Variants in AKAP12 observed in about 807,000 individuals in gnomAD.
AKAP12 encodes A-kinase anchor protein 12.
In AKAP12, 32 loss-of-function variants were observed where a neutral mutation model predicts 79.9. That is an observed-to-expected ratio of 0.40 (90% CI 0.30 to 0.54). AKAP12 has a LOEUF of 0.54. Among genes scored for constraint, AKAP12 ranks in the 20% least tolerant of loss-of-function variants. The pLI is 0.48. For synonymous variants in AKAP12, 808 were observed against 857.0 expected (o/e 0.94, Z 1.00); for missense variants, 2,074 against 2,177.0 (o/e 0.95, Z 0.94).
chr6:151,260,433 A>G (rs1797403861), intron 2 of AKAP12, among the ~76,000 whole-genome samples: 1 of 152,112 alleles, frequency 6.6e-6, no homozygotes, highest in African/African-American at 2.4e-5. Flanking sequence ...CGAATAGGAG[A>G]TGTCTCTCAT....
chr6:151,279,736 G>C (rs954542513), intron 2 of AKAP12, among the ~76,000 whole-genome samples: 1 of 151,868 alleles, frequency 6.6e-6, no homozygotes, highest in African/African-American at 2.4e-5. Context: ...CCTAGCTACT[G>C]GGGGGAGGCT....
chr6:151,289,293 A>T (rs958180157), intron 2 of AKAP12, among the ~76,000 whole-genome samples: 1 of 152,214 alleles, frequency 6.6e-6, no homozygotes, highest in East Asian at 1.9e-4. Flanking sequence ...AGAGATGGTT[A>T]TGCAGCTTCA....
In AKAP12 at chr6:151,349,918, G is replaced by T; in HGVS notation, c.1527G>T (p.Met509Ile). 6.2e-7 allele frequency: 1 copy of T among 1,614,158 alleles called. No individual in the cohort carries two copies. The highest frequency in any genetic ancestry group is 1.3e-5 in the African/African-American group (1 of 75,034). The change falls in exon 4 of 5, where the codon ATG (methionine) becomes ATT (isoleucine). Residue 509 changes from methionine to isoleucine, a missense_variant. Physicochemically the swap from Met to Ile is conservative, Grantham distance 10. This residue lies in a region of AKAP12 where 1,428 missense variants were observed against 1,451.0 expected (regional missense o/e 0.98). Coordinates refer to ENST00000402676, the MANE Select transcript of AKAP12 (RefSeq NM_005100.4). The part of the protein sequence containing the change: ...EVEMLSSQER[M>I]KVQGSPLKKL... ...AAATGCTGTCATCACAGGAGAGAAT[G>T]AAGGTGCAGGGAAGTCCACTAAAGA...
At chr6:151,272,348 AAAAAAAAAAAAC>A (rs1267905684) in intron 2 of AKAP12, among the ~76,000 whole-genome samples, 1 of 150,732 alleles carries the variant, frequency 6.6e-6, no homozygotes, top group Non-Finnish European at 1.5e-5. Context: ...CTGTTTCAAA[AAAAAAAAAAAAC>A]AAAAAAAACA....
intron 3 of AKAP12, chr6:151,341,819 C>T (rs1777958802): frequency 3.1e-6 from 4 of 1,284,134 alleles, no homozygotes; most frequent in Admixed American, 2.3e-5. Flanking sequence ...CCTTCCTTCC[C>T]GTCCCAGGCT....
intron 2 of AKAP12, among the ~76,000 whole-genome samples, chr6:151,281,385 A>G (rs1000209854): frequency 6.6e-6 from 1 of 152,180 alleles, no homozygotes; most frequent in Non-Finnish European, 1.5e-5. Context: ...GCATTTCTGT[A>G]ACGTATGGGA....
intron 2 of AKAP12, among the ~76,000 whole-genome samples, chr6:151,302,985 C>G (rs1449172255): frequency 6.6e-6 from 1 of 152,096 alleles, no homozygotes; most frequent in Non-Finnish European, 1.5e-5. Context: ...CAGCTGAGAT[C>G]AGGAGTTGGA....
Position 151,350,121 on chromosome 6 carries a change from C to A in AKAP12, c.1730C>A (p.Thr577Lys). ...ASSPEEPEEI[T>K]CLEKGLAEVQ... ...TCCCCTGAGGAGCCCGAGGAGATCACGTGTCTGGAAAAGGGCTTAGCCGAG... is the reference window on the plus strand; with the variant it reads ...TCCCCTGAGGAGCCCGAGGAGATCAAGTGTCTGGAAAAGGGCTTAGCCGAG... The change falls in exon 4 of 5, where the codon ACG (threonine) becomes AAG (lysine). Residue 577 changes from threonine (T) to lysine (K), a missense_variant. Around this residue, in one of 3 missense-constraint regions of AKAP12, gnomAD observed 1,428 missense variants for 1,451.0 expected, o/e 0.98. Coordinates refer to ENST00000402676, the MANE Select transcript of AKAP12 (RefSeq NM_005100.4). The surrounding 1 kb of genome is among the most constrained non-coding windows in gnomAD (Gnocchi z 4.8). 1.9e-6 allele frequency: 3 copies of A among 1,613,760 alleles called. No individual in the cohort carries two copies. Among genetic ancestry groups the A allele is most frequent in the African/African-American group, 1.3e-5 (1 of 74,880 alleles).
Position 151,351,817 on chromosome 6 carries a change from A to C in AKAP12, c.3426A>C (p.Glu1142Asp), listed in dbSNP as rs768146277. Residue 1142 changes from glutamate (E) to aspartate (D), a missense_variant, in exon 4 of 5, where the codon GAA (glutamate) becomes GAC (aspartate). Physicochemically the swap from Glu to Asp is conservative, Grantham distance 45 (BLOSUM62 2). Around this residue, in one of 3 missense-constraint regions of AKAP12, gnomAD observed 1,428 missense variants for 1,451.0 expected, o/e 0.98. Transcript: ENST00000402676. The surrounding 1 kb of genome is among the most constrained non-coding windows in gnomAD (Gnocchi z 4.4). ...AGCTTGTAACCACTTGTCAAGCCGA[A>C]ACCTTAGCTGGGGTAAAATCACAGG... is the stretch of plus-strand genomic sequence containing the variant. ...SSELVTTCQAETLAGVKSQEM... is the reference protein window; with the variant it reads ...SSELVTTCQADTLAGVKSQEM... 3.1e-5 allele frequency: 50 copies of C among 1,614,046 alleles called. No individual in the cohort carries two copies. The highest frequency in any genetic ancestry group is 5.0e-5 in the Admixed American group (3 of 59,996).
chr6:151,286,283 GGCT>G (rs1776502963), intron 2 of AKAP12, among the ~76,000 whole-genome samples: 1 of 152,224 alleles, frequency 6.6e-6, no homozygotes, highest in African/African-American at 2.4e-5. Context: ...AATGGCATCA[GGCT>G]GAAAGCATTT....
Position 151,240,658 on chromosome 6 carries a change from CTCG to C in AKAP12, c.97_99del (p.Ser33del), listed in dbSNP as rs1239391868. Reference sequence around the variant, plus strand: ...AGCCCGAGCCCAGCGGCGGCGGCCCCTCGGCCGAGGCGGCGCCAGACACCACCG... The same window carrying C: ...AGCCCGAGCCCAGCGGCGGCGGCCCCGCCGAGGCGGCGCCAGACACCACCG... On this transcript the variant is annotated inframe_deletion, in exon 2 of 5. Transcript: ENST00000402676. The C allele has an allele frequency of 6.1e-6, 8 of 1,319,002 alleles. No individual in the cohort carries two copies. The highest frequency in any genetic ancestry group is 7.7e-6 in the Non-Finnish European group (8 of 1,038,176). The allele number at this position is 1,319,002 out of a possible 1,614,324, so 81.7% of individuals were successfully genotyped here.
intron 3 of AKAP12, among the ~76,000 whole-genome samples, chr6:151,316,569 G>A (rs181414270): frequency 1.6e-4 from 25 of 152,222 alleles, no homozygotes; most frequent in Admixed American, 9.8e-4. Flanking sequence ...TCACTGTATC[G>A]TCACATGGTC....
chr6:151,268,153 C>T, intron 2 of AKAP12, among the ~76,000 whole-genome samples: 1 of 152,230 alleles, frequency 6.6e-6, no homozygotes, highest in Non-Finnish European at 1.5e-5. Flanking sequence ...TGGCTCATGC[C>T]TGTAATCCCA....
At chr6:151,335,535 G>A (rs1224895109) in intron 3 of AKAP12, among the ~76,000 whole-genome samples, 1 of 152,080 alleles carries the variant, frequency 6.6e-6, no homozygotes, top group East Asian at 1.9e-4. Flanking sequence ...GCAGTGGCAC[G>A]ATCTCCACTC....
In AKAP12 at chr6:151,326,403, G is replaced by A. The variant is rs564102718; in HGVS notation, c.319+20500G>A. On this transcript the variant is annotated intron_variant, in intron 3 of 4. Coordinates refer to ENST00000402676, the MANE Select transcript of AKAP12 (RefSeq NM_005100.4). ...GGTGGTTTAGGGGACTAACATTTAA[G>A]CTCTGCTTTAAGTGGTGGTTTTAAT... Among the ~76,000 whole-genome samples, 6 of 150,740 alleles carry A rather than the reference G, an allele frequency of 4.0e-5. No individual in the cohort carries two copies. The South Asian group carries it at 1.3e-3, about 31-fold the overall frequency.
intron 2 of AKAP12, among the ~76,000 whole-genome samples, chr6:151,272,899 A>G (rs941367394): frequency 6.6e-6 from 1 of 152,140 alleles, no homozygotes; most frequent in African/African-American, 2.4e-5. Context: ...AGATTTATCT[A>G]TGATTAGATT....
intron 2 of AKAP12, among the ~76,000 whole-genome samples, chr6:151,259,507 TATATAC>T (rs765450978): frequency 0.16 from 19,020 of 121,872 alleles, 1,453 homozygotes; most frequent in Middle Eastern, 0.21. Flanking sequence ...CATGTATATA[TATATAC>T]ACACACACAC....
chr6:151,319,239 A>G (rs746887160), intron 3 of AKAP12, among the ~76,000 whole-genome samples: 1 of 152,034 alleles, frequency 6.6e-6, no homozygotes, highest in Non-Finnish European at 1.5e-5. Context: ...AATAGCAATA[A>G]CCATGTCTAT....
chr6:151,329,662 A>G (rs920194980), intron 3 of AKAP12, among the ~76,000 whole-genome samples: 2 of 152,206 alleles, frequency 1.3e-5, no homozygotes, highest in African/African-American at 4.8e-5. Context: ...CACATCTGCT[A>G]TGGAGACAGA....
Sources: gnomAD v4.1 joint callset for allele counts (sites outside exome capture counted in the v4.1 genomes callset) on GRCh38, gnomAD v4.1.1 for gene constraint, gnomAD v4.1.1 regional missense constraint, Gnocchi (gnomAD v3.1) non-coding constraint, MANE v1.5 for transcripts, NCBI Gene and HGNC (gene_info 2026-07-23, HGNC 2026-07-21) for gene names.